SORBS2: variants seen among roughly 807,000 people sequenced by gnomAD.
The protein encoded by SORBS2 is sorbin and SH3 domain containing 2.
A neutral mutation model predicts 97.7 loss-of-function variants in SORBS2; 46 were observed. That is an observed-to-expected ratio of 0.47 (90% CI 0.37 to 0.60). SORBS2 has a LOEUF of 0.60. Ranked by LOEUF, SORBS2 falls within the 20% of genes least tolerant of loss-of-function variation. SORBS2 has a pLI of 0.00. For missense variants in SORBS2, 1,316 were observed against 1,282.3 expected, an observed-to-expected ratio of 1.03 and a Z score of -0.40; for synonymous variants, 476 against 473.4, an observed-to-expected ratio of 1.01 and a Z score of -0.07.
intron 1 of SORBS2, among the ~76,000 whole-genome samples, chr4:185,798,856 G>A (rs1314104029): frequency 6.6e-6 from 1 of 152,134 alleles, no homozygotes; most frequent in Non-Finnish European, 1.5e-5. Flanking sequence ...GATATCAAAA[G>A]CAAAGCAAAA....
chr4:185,688,799 A>G (rs558863005), intron 2 of SORBS2, among the ~76,000 whole-genome samples: 2 of 152,302 alleles, frequency 1.3e-5, no homozygotes, highest in Admixed American at 1.3e-4. Context: ...TAAAAACATT[A>G]TAATTATTAT....
chr4:185,628,567 C>T (rs963743547), intron 5 of SORBS2, among the ~76,000 whole-genome samples: 1 of 152,118 alleles, frequency 6.6e-6, no homozygotes, highest in Non-Finnish European at 1.5e-5. Flanking sequence ...GCCTGGACAA[C>T]CTAGTGAGAC....
chr4:185,864,653 A>C (rs1040320704), intron 1 of SORBS2, among the ~76,000 whole-genome samples: 5 of 152,240 alleles, frequency 3.3e-5, no homozygotes, highest in Non-Finnish European at 7.4e-5. Flanking sequence ...GCTCACGCCT[A>C]TAATCCCAGC....
intron 11 of SORBS2, among the ~76,000 whole-genome samples, chr4:185,613,741 G>A (rs1370943285): frequency 6.6e-6 from 1 of 151,682 alleles, no homozygotes; most frequent in Non-Finnish European, 1.5e-5. Flanking sequence ...CTAGGCTGTT[G>A]TGTGAGCTGT....
chr4:185,908,306 T>TTTGTATACACACAA lies in SORBS2; in HGVS notation c.-338+47889_-338+47890insTTGTGTGTATACAA, dbSNP rs1554049957. Among the ~76,000 whole-genome samples the TTTGTATACACACAA allele has an allele frequency of 3.4e-4, 38 of 110,254 alleles. 1 individual carries two copies. The highest frequency in any genetic ancestry group is 1.2e-3 in the African/African-American group (33 of 26,424). 72.3% of individuals were successfully genotyped at this position (110,254 alleles called of 152,430 possible). On this transcript the variant is annotated intron_variant, in intron 1 of 20. Transcript: ENST00000284776. ...ATATATATATATATATATATATATA[T>TTTGTATACACACAA]ATATATATATATATATTTGTATACA...
intron 2 of SORBS2, chr4:185,757,096 T>G (rs2098836207): frequency 1.7e-6 from 1 of 590,548 alleles, no homozygotes; most frequent in Non-Finnish European, 3.2e-6. Context: ...CCTGTCGAAC[T>G]GCGTGGAAAA....
At chr4:185,868,986 C>T (rs1302273031) in intron 1 of SORBS2, among the ~76,000 whole-genome samples, 1 of 152,158 alleles carries the variant, frequency 6.6e-6, no homozygotes, top group African/African-American at 2.4e-5. Flanking sequence ...ATGAGAAATA[C>T]ACAATCGCAG....
chr4:185,641,606 C>A (rs1294234631), intron 4 of SORBS2, among the ~76,000 whole-genome samples: 1 of 152,014 alleles, frequency 6.6e-6, no homozygotes, highest in African/African-American at 2.4e-5. Flanking sequence ...CATGGACATT[C>A]CTTTGAGTAC....
intron 2 of SORBS2, among the ~76,000 whole-genome samples, chr4:185,651,393 C>A (rs535442141): frequency 6.6e-6 from 1 of 152,358 alleles, no homozygotes; most frequent in Admixed American, 6.5e-5. Flanking sequence ...TCACAGAATA[C>A]TTTGTTTGAC....
chr4:185,952,197 G>A (rs985799113), intron 1 of SORBS2, among the ~76,000 whole-genome samples: 6 of 151,940 alleles, frequency 3.9e-5, no homozygotes, highest in Admixed American at 2.0e-4. Context: ...GCTAATTTTT[G>A]TTGTATTTTT....
At chr4:185,605,504 G>A (rs980972677) in intron 12 of SORBS2, among the ~76,000 whole-genome samples, 7 of 151,468 alleles carry the variant, frequency 4.6e-5, no homozygotes, top group East Asian at 1.9e-4. Flanking sequence ...GGTTGGTTTC[G>A]AACTCCTGAC....
chr4:185,711,958 A>C (rs1419515749), intron 2 of SORBS2, among the ~76,000 whole-genome samples: 1 of 152,066 alleles, frequency 6.6e-6, no homozygotes, highest in Non-Finnish European at 1.5e-5. Context: ...GTCCAGCCCC[A>C]AAACACTGAC....
At position 185,923,472 on chromosome 4, in the gene SORBS2, A is replaced by ATTTTTTTTTTTTTTTTTTTTTTTTTTT. The variant is rs535695706; in HGVS notation, c.-338+32723_-338+32724insAAAAAAAAAAAAAAAAAAAAAAAAAAA. Among the ~76,000 whole-genome samples the ATTTTTTTTTTTTTTTTTTTTTTTTTTT allele has an allele frequency of 1.6e-4, 18 of 110,478 alleles. 1 individual carries two copies. The highest frequency in any genetic ancestry group is 2.1e-4 in the African/African-American group (6 of 28,348). The allele number at this position is 110,478 out of a possible 152,430, so 72.5% of individuals were successfully genotyped here. A position where few individuals can be genotyped will look rare whatever the true frequency, so the allele number is the denominator to read the frequency against. On this transcript the variant is annotated intron_variant, in intron 1 of 20. Coordinates refer to the SORBS2 transcript ENST00000284776. ...TGCTTGGCTAAGTTTCTTTTTTTTA[A>ATTTTTTTTTTTTTTTTTTTTTTTTTTT]TTTTTTTTTTTTGTAGAGACAGGAC...
intron 2 of SORBS2, among the ~76,000 whole-genome samples, chr4:185,728,785 T>C (rs796949486): frequency 2.2e-4 from 34 of 152,372 alleles, no homozygotes; most frequent in Admixed American, 6.5e-4. Flanking sequence ...TTGGTTTCAG[T>C]GCTTTGGAGC....
At chr4:185,925,344 A>G (rs574745053) in intron 1 of SORBS2, among the ~76,000 whole-genome samples, 4 of 152,330 alleles carry the variant, frequency 2.6e-5, no homozygotes, top group East Asian at 3.9e-4. Flanking sequence ...GAGGCAGAAT[A>G]GGATGTGGTG....
intron 1 of SORBS2, among the ~76,000 whole-genome samples, chr4:185,787,882 C>G (rs536972034): frequency 6.6e-6 from 1 of 152,180 alleles, no homozygotes; most frequent in Non-Finnish European, 1.5e-5. Context: ...AAGCACATTA[C>G]GAAACCTAGG....
At chr4:185,596,689 C>T (rs953130114) in intron 12 of SORBS2, among the ~76,000 whole-genome samples, 1 of 151,902 alleles carries the variant, frequency 6.6e-6, no homozygotes, top group Non-Finnish European at 1.5e-5. Flanking sequence ...CACGCACCAC[C>T]GTGCCCAGCT....
chr4:185,729,311 A>G (rs2098594781), intron 2 of SORBS2, among the ~76,000 whole-genome samples: 1 of 152,156 alleles, frequency 6.6e-6, no homozygotes, highest in South Asian at 2.1e-4. Flanking sequence ...TTAACTTTCT[A>G]CTCATCTCTT....
intron 4 of SORBS2, among the ~76,000 whole-genome samples, chr4:185,675,660 T>C (rs1436142102): frequency 3.3e-5 from 5 of 152,208 alleles, no homozygotes; most frequent in Non-Finnish European, 7.4e-5. Flanking sequence ...CAATTATTAA[T>C]AAACATAAAC....
Sources: gnomAD v4.1 joint callset for allele counts (sites outside exome capture counted in the v4.1 genomes callset) on GRCh38, gnomAD v4.1.1 for gene constraint, MANE v1.5 for transcripts, NCBI Gene and HGNC (gene_info 2026-07-23, HGNC 2026-07-21) for gene names.